SLCO2A1: variants seen among roughly 807,000 people sequenced by gnomAD.
The protein encoded by SLCO2A1 is matrin F/G 1.
SLCO2A1 carries 60 observed loss-of-function variants against 71.7 expected under a neutral mutation model. That is an observed-to-expected ratio of 0.84 (90% CI 0.68 to 1.04). The LOEUF (loss-of-function observed/expected upper bound fraction) is 1.04. Ranked by LOEUF, SLCO2A1 falls within the 50% of genes least tolerant of loss-of-function variation. The pLI is 0.00. For synonymous variants in SLCO2A1, 308 were observed against 326.7 expected (o/e 0.94, Z 0.62); for missense variants, 745 against 813.4 (o/e 0.92, Z 1.02).
At position 133,979,621 on chromosome 3, in the gene SLCO2A1, G is replaced by A. The variant is rs373232930; in HGVS notation, c.97-3C>T. 115 of 1,605,696 alleles carry A rather than the reference G, an allele frequency of 7.2e-5. No homozygotes were observed. The African/African-American group carries it at 1.4e-3, about 19-fold the overall frequency. ...AGGCCTTGGCAGAGCACAAACACCT[G>A]GGGGAAGAGTGATGGGCCCGTGAGG... On this transcript the variant is annotated splice_region_variant and splice_polypyrimidine_tract_variant and intron_variant, in intron 1 of 13. Coordinates refer to ENST00000310926, the MANE Select transcript of SLCO2A1 (RefSeq NM_005630.3).
chr3:133,983,245 C>T lies in SLCO2A1; in HGVS notation c.97-3627G>A, dbSNP rs115666301. On this transcript the variant is annotated intron_variant, in intron 1 of 13. Coordinates refer to ENST00000310926, the MANE Select transcript of SLCO2A1 (RefSeq NM_005630.3). ...CCCCGACATTACATCATAAGGAAGC[C>T]CAGTCTTCCTTACTCATGGCGAGGC... Among the ~76,000 whole-genome samples, 297 of 152,250 alleles carry T rather than the reference C, an allele frequency of 2.0e-3. 2 individuals are homozygous for T. Among genetic ancestry groups the T allele is most frequent in the African/African-American group, 6.9e-3 (286 of 41,556 alleles).
Position 133,945,247 on chromosome 3 carries a change from T to C in SLCO2A1, c.1309A>G (p.Ile437Val), listed in dbSNP as rs1440142634. 1 of 1,605,714 alleles carries C rather than the reference T, an allele frequency of 6.2e-7. No homozygotes were observed. The highest frequency in any genetic ancestry group is 8.5e-7 in the Non-Finnish European group (1 of 1,177,734). Residue 437 changes from isoleucine to valine, a missense_variant, in exon 10 of 14, where the codon ATA becomes GTA. Transcript: ENST00000310926. ...EVYPPSTSSS[I>V]HPQSPACRRD... ...CGGCAGGCAGGAGACTGCGGATGTA[T>C]AGAACTTGATGTGCTGCCAGCAAAA... is the stretch of plus-strand genomic sequence containing the variant.
At chr3:133,981,611 C>G (rs1934592951) in intron 1 of SLCO2A1, among the ~76,000 whole-genome samples, 1 of 152,184 alleles carries the variant, frequency 6.6e-6, no homozygotes, top group Non-Finnish European at 1.5e-5. Flanking sequence ...AACGTGGTTT[C>G]CAGTCACCGG....
chr3:133,961,688 T>C (rs903450333), intron 3 of SLCO2A1, among the ~76,000 whole-genome samples: 1 of 149,346 alleles, frequency 6.7e-6, no homozygotes, highest in Non-Finnish European at 1.5e-5. Context: ...TTTATTAAAA[T>C]ATGTATTTAA....
At chr3:133,995,867 T>C (rs921051606) in intron 1 of SLCO2A1, among the ~76,000 whole-genome samples, 4 of 152,216 alleles carry the variant, frequency 2.6e-5, no homozygotes, top group African/African-American at 4.8e-5. Context: ...TATAAATTCA[T>C]TGTAGAAACA....
chr3:133,952,945 G>A (rs1419339003), intron 5 of SLCO2A1, among the ~76,000 whole-genome samples: 2 of 152,060 alleles, frequency 1.3e-5, no homozygotes, highest in Non-Finnish European at 2.9e-5. Context: ...TCATCCGTGT[G>A]TATATTTTAT....
chr3:134,001,268 G>A (rs1265120385), intron 1 of SLCO2A1, among the ~76,000 whole-genome samples: 1 of 152,128 alleles, frequency 6.6e-6, no homozygotes, highest in East Asian at 1.9e-4. Flanking sequence ...ACGCCACCGT[G>A]CCCAACTAAT....
chr3:133,934,903 G>A, intron 13 of SLCO2A1, 73 bp from the exon 14 acceptor site: 1 of 1,224,118 alleles, frequency 8.2e-7, no homozygotes, highest in Non-Finnish European at 1.2e-6. Context: ...AGGACCACTG[G>A]GAAGAACCAC....
intron 8 of SLCO2A1, among the ~76,000 whole-genome samples, chr3:133,947,677 G>A (rs1214503484): frequency 6.6e-6 from 1 of 152,160 alleles, no homozygotes; most frequent in South Asian, 2.1e-4. Context: ...ATACAGAAGT[G>A]GGGTTCTTGC....
intron 9 of SLCO2A1, among the ~76,000 whole-genome samples, chr3:133,946,332 T>C (rs1933578666): frequency 6.6e-6 from 1 of 151,918 alleles, no homozygotes; most frequent in African/African-American, 2.4e-5. Context: ...AAAAAGCTTG[T>C]TGACAGGTGG....
chr3:133,955,939 C>G (rs551350132), intron 3 of SLCO2A1, among the ~76,000 whole-genome samples: 112 of 152,292 alleles, frequency 7.4e-4, no homozygotes, highest in Middle Eastern at 3.4e-3. Context: ...CCCAGACACC[C>G]TGGGTGAGGC....
At chr3:133,947,206 T>G in intron 9 of SLCO2A1, 50 bp downstream of exon 9, 1 of 1,497,302 alleles carries the variant, frequency 6.7e-7, no homozygotes, top group Non-Finnish European at 9.2e-7. Flanking sequence ...CAGCCAGATC[T>G]AAGCCCTGGC....
In SLCO2A1 at chr3:133,934,674, G is replaced by T; in HGVS notation, c.*39C>A. 1 of 1,393,824 alleles carries T rather than the reference G, an allele frequency of 7.2e-7. No homozygotes were observed. The highest frequency in any genetic ancestry group is 1.0e-6 in the Non-Finnish European group (1 of 980,632). 86.3% of individuals were successfully genotyped at this position (1,393,824 alleles called of 1,614,324 possible). On this transcript the variant is annotated 3_prime_UTR_variant, in exon 14 of 14. Coordinates refer to ENST00000310926, the MANE Select transcript of SLCO2A1 (RefSeq NM_005630.3). ...GTATAGGCAGGTGTGGAAGAGTCAA[G>T]GTCCACTCTCTGGAGCAGGGCAGTG...
At chr3:133,987,131 G>GCCCCCCCCCCCCC (rs71136502) in intron 1 of SLCO2A1, among the ~76,000 whole-genome samples, 4 of 105,032 alleles carry the variant, frequency 3.8e-5, no homozygotes, top group Admixed American at 2.8e-4. Context: ...AAAATTCAAA[G>GCCCCCCCCCCCCC]CCCCCCCCCC....
intron 3 of SLCO2A1, among the ~76,000 whole-genome samples, chr3:133,967,103 G>T (rs762858779): frequency 6.6e-6 from 1 of 152,190 alleles, no homozygotes; most frequent in Non-Finnish European, 1.5e-5. Flanking sequence ...TCCTGGAGAA[G>T]CGACTCTCAG....
intron 6 of SLCO2A1, among the ~76,000 whole-genome samples, chr3:133,950,749 G>T (rs1317378212): frequency 6.6e-6 from 1 of 152,116 alleles, no homozygotes; most frequent in East Asian, 1.9e-4. Flanking sequence ...TGCTTGGAAG[G>T]TCCTCTGCTC....
At chr3:133,967,442 C>T (rs2108051910) in intron 3 of SLCO2A1, among the ~76,000 whole-genome samples, 1 of 152,334 alleles carries the variant, frequency 6.6e-6, no homozygotes, top group Non-Finnish European at 1.5e-5. Context: ...TCGCTCCTTC[C>T]CGGGCCTTCT....
chr3:133,945,150 G>A lies in SLCO2A1; in HGVS notation c.1406C>T (p.Pro469Leu), dbSNP rs760932787. 5 of 1,614,114 alleles carry A rather than the reference G, an allele frequency of 3.1e-6. No individual in the cohort carries two copies. In the East Asian group the frequency reaches 1.1e-4, roughly 36 times the overall value. The change falls in exon 10 of 14, where the codon CCT becomes CTT. Residue 469 changes from proline to leucine, a missense_variant. Pro to Leu is a moderately conservative substitution (Grantham distance 98, BLOSUM62 -3). Transcript: ENST00000310926. ...CGDNGIEYLS[P>L]CHAGCSNINM... ...GATGTTGCTGCAGCCGGCATGGCAA[G>A]GGGAGAGGTACTCGATTCCATTGTC...
chr3:134,017,205 G>A (rs1935471914), intron 1 of SLCO2A1, among the ~76,000 whole-genome samples: 1 of 152,220 alleles, frequency 6.6e-6, no homozygotes, highest in South Asian at 2.1e-4. Context: ...TCAATGTTCT[G>A]CTTTTGATAT....
Sources: allele counts gnomAD v4.1 joint callset (sites outside exome capture counted in the v4.1 genomes callset), GRCh38; gene constraint gnomAD v4.1.1; transcripts MANE v1.5; gene names NCBI Gene and HGNC (gene_info 2026-07-23, HGNC 2026-07-21).